Variants in CNTN4 observed in about 807,000 individuals in gnomAD.
CNTN4 encodes the protein contactin-4.
In CNTN4, 77 loss-of-function variants were observed where a neutral mutation model predicts 122.5. That is an observed-to-expected ratio of 0.63 (90% CI 0.52 to 0.76). The LOEUF is 0.76. Among genes scored for constraint, CNTN4 ranks in the 30% least tolerant of loss-of-function variants. CNTN4 has a pLI of 0.00. For missense variants in CNTN4, 1,256 were observed against 1,259.1 expected (o/e 1.00, Z 0.04); for synonymous variants, 512 against 447.0 (o/e 1.15, Z -1.83).
intron 13 of CNTN4, among the ~76,000 whole-genome samples, chr3:2,952,166 T>C (rs1237476058): frequency 6.6e-6 from 1 of 152,234 alleles, no homozygotes; most frequent in Non-Finnish European, 1.5e-5. Flanking sequence ...GCATAAGATC[T>C]ACCTTCTCCC....
At chr3:2,937,335 C>T (rs892244790) in intron 13 of CNTN4, among the ~76,000 whole-genome samples, 3 of 152,072 alleles carry the variant, frequency 2.0e-5, no homozygotes, top group Admixed American at 1.3e-4. Context: ...AATCTGAACT[C>T]CCTGGAGAAA....
At chr3:2,964,749 C>T (rs971030383) in intron 13 of CNTN4, among the ~76,000 whole-genome samples, 4 of 152,000 alleles carry the variant, frequency 2.6e-5, no homozygotes, top group Non-Finnish European at 5.9e-5. Flanking sequence ...TTTAAAAATC[C>T]CTACAAAGAC....
rs1053162263 is a variant in CNTN4 at position 2,649,400 on chromosome 3, T to C, written c.55+77842T>C. 3.9e-5 allele frequency among the ~76,000 whole-genome samples: 6 copies of C among 152,302 alleles called. No homozygotes were observed. In the East Asian group the frequency reaches 5.8e-4, roughly 15 times the overall value. ...GACTTTAAGTTGAAGACAGTGTTCA[T>C]TGACCATCCTGAAAGTCTTAGGACC... is the stretch of plus-strand genomic sequence containing the variant. On this transcript the variant is annotated intron_variant, in intron 4 of 24. Coordinates refer to ENST00000418658, the MANE Select transcript of CNTN4 (RefSeq NM_175607.3).
chr3:2,223,419 C>G lies in CNTN4; in HGVS notation c.-144-115759C>G, dbSNP rs377082951. Among the ~76,000 whole-genome samples the G allele has an allele frequency of 1.6e-4, 24 of 152,222 alleles. No homozygotes were observed. The East Asian group carries it at 3.9e-3, about 24-fold the overall frequency. ...ACTTCTTGTATATAAGCCCTTAACT[C>G]AGTGTCTGTTTTTAGGAGATGTCAA... On this transcript the variant is annotated intron_variant, in intron 2 of 24. Transcript: ENST00000418658.
chr3:2,307,580 C>G (rs1269213264), intron 2 of CNTN4, among the ~76,000 whole-genome samples: 2 of 151,716 alleles, frequency 1.3e-5, no homozygotes, highest in Non-Finnish European at 2.9e-5. Context: ...TAGGATCTTC[C>G]TTCCAAGGAT....
At chr3:2,762,482 G>A (rs1369392543) in intron 6 of CNTN4, among the ~76,000 whole-genome samples, 1 of 152,112 alleles carries the variant, frequency 6.6e-6, no homozygotes, top group Admixed American at 6.6e-5. Flanking sequence ...TTCTGTTCCT[G>A]CGTTAGTTTG....
At chr3:2,137,969 C>T (rs530083986) in intron 2 of CNTN4, among the ~76,000 whole-genome samples, 6 of 152,268 alleles carry the variant, frequency 3.9e-5, no homozygotes, top group East Asian at 3.9e-4. Context: ...CATGTATCAG[C>T]CATTGGTAAC....
At chr3:2,553,050 A>G (rs1433833150) in intron 3 of CNTN4, among the ~76,000 whole-genome samples, 1 of 152,134 alleles carries the variant, frequency 6.6e-6, no homozygotes, top group East Asian at 1.9e-4. Flanking sequence ...CAGTGTATCA[A>G]CTCACGGTGA....
intron 3 of CNTN4, among the ~76,000 whole-genome samples, chr3:2,439,668 T>C (rs1197366081): frequency 1.3e-5 from 2 of 152,036 alleles, no homozygotes; most frequent in Non-Finnish European, 2.9e-5. Flanking sequence ...CTGTATCTGA[T>C]TCTAAAATGG....
At chr3:2,292,475 T>C (rs777200234) in intron 2 of CNTN4, among the ~76,000 whole-genome samples, 5 of 152,234 alleles carry the variant, frequency 3.3e-5, no homozygotes, top group Admixed American at 2.0e-4. Context: ...ATCTGAAGTG[T>C]ACAATGTGTT....
intron 6 of CNTN4, among the ~76,000 whole-genome samples, chr3:2,804,890 A>C (rs1319275371): frequency 6.6e-6 from 1 of 152,084 alleles, no homozygotes; most frequent in African/African-American, 2.4e-5. Context: ...AAGTGTCTTT[A>C]TCGGCCAGGC....
intron 12 of CNTN4, among the ~76,000 whole-genome samples, chr3:2,924,692 G>A (rs2094457237): frequency 6.6e-6 from 1 of 152,168 alleles, no homozygotes; most frequent in Non-Finnish European, 1.5e-5. Context: ...CGCTAGTGGT[G>A]AGCATATAAT....
rs561803792 is a variant in CNTN4, at chr3:2,285,215, G to T, written c.-144-53963G>T. 2.0e-3 allele frequency among the ~76,000 whole-genome samples: 311 copies of T among 152,136 alleles called. 2 individuals are homozygous for T. Among genetic ancestry groups the T allele is most frequent in the Non-Finnish European group, 3.2e-3 (220 of 67,920 alleles). On this transcript the variant is annotated intron_variant, in intron 2 of 24. Transcript: ENST00000418658. ...GAAGATCTAAGATAAAGTACTACAA[G>T]ATGAGTAACAAATACATCCTTAAAA...
intron 14 of CNTN4, chr3:3,009,142 A>G: frequency 1.8e-6 from 1 of 545,704 alleles, no homozygotes; most frequent in Non-Finnish European, 2.3e-6. Flanking sequence ...CCAATGTTAG[A>G]CTATAAGAGT....
intron 2 of CNTN4, among the ~76,000 whole-genome samples, chr3:2,316,690 A>G (rs141414959): frequency 2.0e-3 from 299 of 152,118 alleles, no homozygotes; most frequent in African/African-American, 5.2e-3. Context: ...ATTGCTTTGT[A>G]TTTCTTTAGA....
At chr3:3,009,587 C>T (rs998585400) in intron 14 of CNTN4, among the ~76,000 whole-genome samples, 52 of 78,812 alleles carry the variant, frequency 6.6e-4, no homozygotes, top group African/African-American at 2.2e-3. Context: ...GCGCCCGCCA[C>T]CACGCCCGGC....
At chr3:2,783,711 T>C (rs1353483795) in intron 6 of CNTN4, among the ~76,000 whole-genome samples, 2 of 152,366 alleles carry the variant, frequency 1.3e-5, no homozygotes, top group African/African-American at 4.8e-5. Context: ...TCTCATGTTA[T>C]AAAACAGCAT....
intron 2 of CNTN4, among the ~76,000 whole-genome samples, chr3:2,185,152 C>A (rs1314489455): frequency 6.6e-6 from 1 of 152,154 alleles, no homozygotes; most frequent in Non-Finnish European, 1.5e-5. Context: ...TGGCATTCTG[C>A]AGGGCACCTT....
chr3:2,328,180 C>T (rs1057083843), intron 2 of CNTN4, among the ~76,000 whole-genome samples: 9 of 152,056 alleles, frequency 5.9e-5, no homozygotes, highest in African/African-American at 1.2e-4. Context: ...CCGAGGCGGG[C>T]GGATCACGGG....
Sources: allele counts gnomAD v4.1 joint callset (sites outside exome capture counted in the v4.1 genomes callset), GRCh38; gene constraint gnomAD v4.1.1; transcripts MANE v1.5; gene names NCBI Gene and HGNC (gene_info 2026-07-23, HGNC 2026-07-21).